Variants in ABCA9 observed in about 807,000 individuals in gnomAD.
The protein encoded by ABCA9 is ATP-binding cassette sub-family A member 9.
In ABCA9, 183 loss-of-function variants were observed where a neutral mutation model predicts 205.3. The observed-to-expected ratio is 0.89, with a 90% CI of 0.79 to 1.01. The LOEUF is 1.01. Among genes scored for constraint, ABCA9 ranks in the 50% least tolerant of loss-of-function variants. ABCA9 has a pLI of 0.00. For missense variants in ABCA9, 1,805 were observed against 1,912.4 expected (o/e 0.94, Z 1.05); for synonymous variants, 651 against 683.3 (o/e 0.95, Z 0.74).
rs1196005482 is a variant in ABCA9, at chr17:68,996,909, TTGAC to T, written c.3436-899_3436-896del. 2.0e-5 allele frequency among the ~76,000 whole-genome samples: 3 copies of T among 152,184 alleles called. No homozygotes were observed. In the East Asian group the frequency reaches 5.8e-4, roughly 29 times the overall value. ...TATTGTGTTCTGAAATAAATCATACTTGACTATTTTTAAATTATTCTTTTTTTCT... is the reference window on the plus strand; with the variant it reads ...TATTGTGTTCTGAAATAAATCATACTTATTTTTAAATTATTCTTTTTTTCT... On this transcript the variant is annotated intron_variant, in intron 25 of 38. Coordinates refer to ENST00000340001, the MANE Select transcript of ABCA9 (RefSeq NM_080283.4).
At chr17:69,046,958 T>C (rs1203535726) in intron 3 of ABCA9, among the ~76,000 whole-genome samples, 2 of 147,226 alleles carry the variant, frequency 1.4e-5, no homozygotes, top group Non-Finnish European at 3.0e-5. Context: ...TATATAATTG[T>C]TGTTTGTTGG....
intron 37 of ABCA9, among the ~76,000 whole-genome samples, chr17:68,981,371 T>A (rs996983899): frequency 6.6e-5 from 10 of 152,084 alleles, no homozygotes; most frequent in Admixed American, 1.3e-4. Context: ...CAGCCTTTTT[T>A]AAAAAGCCTC....
chr17:68,984,300 G>C, intron 34 of ABCA9, 125 bp from the exon 35 acceptor site: 1 of 1,333,866 alleles, frequency 7.5e-7, no homozygotes, highest in African/African-American at 1.5e-5. Flanking sequence ...CAAAAAAGGG[G>C]TGTGTGTAGG....
intron 6 of ABCA9, among the ~76,000 whole-genome samples, chr17:69,041,729 TTATC>T (rs4020779): frequency 5.6e-4 from 84 of 149,462 alleles, no homozygotes; most frequent in African/African-American, 1.4e-3. Flanking sequence ...AAGAAAGAAA[TTATC>T]TATCTATCTA....
At position 68,975,828 on chromosome 17, in the gene ABCA9, A is replaced by C; in HGVS notation, c.*87T>G. ...ATGAGTTTCAAATGCATTTTGTACC[A>C]CCTCTGATATAAGGCATATTAAGGC... On this transcript the variant is annotated 3_prime_UTR_variant, in exon 39 of 39. Coordinates refer to ENST00000340001, the MANE Select transcript of ABCA9 (RefSeq NM_080283.4). 1.0e-6 allele frequency: 1 copy of C among 993,100 alleles called. No homozygotes were observed. The highest frequency in any genetic ancestry group is 1.5e-6 in the Non-Finnish European group (1 of 657,212). The allele number at this position is 993,100 out of a possible 1,614,324, so 61.5% of individuals were successfully genotyped here. A position where few individuals can be genotyped will look rare whatever the true frequency, so the allele number is the denominator to read the frequency against.
At position 68,988,953 on chromosome 17, in the gene ABCA9, T is replaced by C. The variant is rs533529464; in HGVS notation, c.4047+74A>G. On this transcript the variant is annotated intron_variant, in intron 31 of 38. Coordinates refer to ENST00000340001, the MANE Select transcript of ABCA9 (RefSeq NM_080283.4). The stretch of plus-strand genomic sequence containing the variant: ...TCACACTAAGTGATTATGGATCAAC[T>C]ACATAGTCTATTATTGCCATCAATA... 6.7e-6 allele frequency: 6 copies of C among 900,970 alleles called. No homozygotes were observed. The East Asian group carries it at 1.5e-4, about 22-fold the overall frequency. The allele number at this position is 900,970 out of a possible 1,614,324, so 55.8% of individuals were successfully genotyped here.
chr17:69,004,012 C>A (rs1386727708), intron 25 of ABCA9, among the ~76,000 whole-genome samples: 1 of 152,130 alleles, frequency 6.6e-6, no homozygotes. Context: ...TCTAGTTATA[C>A]TTTCTTCTAA....
rs1225575468 is a variant in ABCA9, at chr17:68,986,353, C to A, written c.4048-29G>T. 3.8e-6 allele frequency: 6 copies of A among 1,586,120 alleles called. No individual in the cohort carries two copies. The South Asian group carries it at 5.8e-5, about 15-fold the overall frequency. On this transcript the variant is annotated intron_variant, in intron 31 of 38. Coordinates refer to ENST00000340001, the MANE Select transcript of ABCA9 (RefSeq NM_080283.4). ...TGCAAAATAAGTTCATTCTTAGATTCTATCCCAAATGTCACGTATATGTAT... is the reference window on the plus strand; with the variant it reads ...TGCAAAATAAGTTCATTCTTAGATTATATCCCAAATGTCACGTATATGTAT...
chr17:69,027,860 G>A, intron 12 of ABCA9, 45 bp from the exon 13 acceptor site: 1 of 1,443,364 alleles, frequency 6.9e-7, no homozygotes, highest in Non-Finnish European at 9.5e-7. Context: ...AATGTGTCAT[G>A]CTTCATTGAA....
Position 69,053,159 on chromosome 17 carries a change from T to TC in ABCA9, c.-13-2021dup, listed in dbSNP as rs2071960691. 2.0e-5 allele frequency among the ~76,000 whole-genome samples: 3 copies of TC among 152,182 alleles called. No individual in the cohort carries two copies. In the South Asian group the frequency reaches 6.2e-4, roughly 31 times the overall value. ...GGAGATTAACTCGAACTCAATCTCC[T>TC]CTCCTCTTCCTGGACATCTGGGGAT... On this transcript the variant is annotated intron_variant, in intron 1 of 38. Coordinates refer to ENST00000340001, the MANE Select transcript of ABCA9 (RefSeq NM_080283.4).
upstream of ABCA9, among the ~76,000 whole-genome samples, chr17:69,063,582 CTTTGT>C (rs112976907): frequency 0.04 from 6,057 of 152,140 alleles, 157 homozygotes; most frequent in East Asian, 0.057. Flanking sequence ...AAACATTTCT[CTTTGT>C]TTTTTGTTTT....
At chr17:69,028,492 T>A in intron 12 of ABCA9, 43 bp downstream of exon 12, 2 of 1,349,412 alleles carry the variant, frequency 1.5e-6, no homozygotes, top group Non-Finnish European at 2.1e-6. Context: ...TGCATATTAA[T>A]GTGTTTGTCC....
chr17:69,074,547 C>A, the ABCA9 span, among the ~76,000 whole-genome samples: 1 of 152,188 alleles, frequency 6.6e-6, no homozygotes, highest in African/African-American at 2.4e-5. Context: ...TGGCTTCTAG[C>A]TGTGTCCATG....
Position 69,041,823 on chromosome 17 carries a change from A to T in ABCA9, c.800+1666T>A, listed in dbSNP as rs2144440279. On this transcript the variant is annotated intron_variant, in intron 6 of 38. Transcript: ENST00000340001. ...TTGATACAGAAAAGGACATCAGAGA[A>T]AAACTTTCATCATAAACCAAAGAAG... Among the ~76,000 whole-genome samples the T allele has an allele frequency of 2.0e-5, 3 of 152,284 alleles. No homozygotes were observed. The South Asian group carries it at 6.2e-4, about 32-fold the overall frequency.
chr17:69,034,985 AATG>A (rs2071284911), intron 8 of ABCA9: 2 of 277,306 alleles, frequency 7.2e-6, no homozygotes. Context: ...CTGAGCACTG[AATG>A]AGACAAATGT....
chr17:68,995,456 G>A (rs2069586803), intron 26 of ABCA9, among the ~76,000 whole-genome samples: 1 of 152,062 alleles, frequency 6.6e-6, no homozygotes, highest in Non-Finnish European at 1.5e-5. Context: ...ATTGTCGCAT[G>A]GCTTTTCATA....
rs1229406685 is a variant in ABCA9 at position 69,001,753 on chromosome 17, C to A, written c.3436-5739G>T. Among the ~76,000 whole-genome samples the A allele has an allele frequency of 6.7e-5, 10 of 150,194 alleles. No homozygotes were observed. The East Asian group carries it at 2.0e-3, about 30-fold the overall frequency. ...CTGTGAATCCATCTGGTCCTGGACT[C>A]TTTTTGGTTGGTAAGCTATTGATTA... On this transcript the variant is annotated intron_variant, in intron 25 of 38. Transcript: ENST00000340001.
chr17:69,008,371 C>A, intron 23 of ABCA9, 136 bp from the exon 24 acceptor site: 2 of 728,290 alleles, frequency 2.7e-6, no homozygotes, highest in East Asian at 2.7e-5. Flanking sequence ...AATGATACCA[C>A]CACTCGCCAC....
At position 69,045,255 on chromosome 17, in the gene ABCA9, A is replaced by G; in HGVS notation, c.386T>C (p.Ile129Thr). The change falls in exon 4 of 39, where the codon ATC becomes ACC. Residue 129 changes from isoleucine to threonine, a missense_variant. Ile to Thr is a moderately conservative substitution (Grantham distance 89). Coordinates refer to ENST00000340001, the MANE Select transcript of ABCA9 (RefSeq NM_080283.4). ...LNYSIDAVRV[I>T]FTDTFSYHLK... is the part of the protein sequence containing the mutation. ...ATGGTAGGAGAAGGTATCAGTAAAG[A>G]TGACTCTCACTGCGTCTATTGAATA... The G allele has an allele frequency of 4.3e-6, 7 of 1,613,326 alleles. No individual in the cohort carries two copies. The highest frequency in any genetic ancestry group is 5.9e-6 in the Non-Finnish European group (7 of 1,179,650).
Sources: gnomAD v4.1 joint callset for allele counts (sites outside exome capture counted in the v4.1 genomes callset) on GRCh38, gnomAD v4.1.1 for gene constraint, MANE v1.5 for transcripts, NCBI Gene and HGNC (gene_info 2026-07-23, HGNC 2026-07-21) for gene names.